GNAI1: variants seen among roughly 807,000 people sequenced by gnomAD.
GNAI1 encodes guanine nucleotide-binding protein G(i) subunit alpha-1.
In GNAI1, 11 loss-of-function variants were observed where a neutral mutation model predicts 38.9. That is an observed-to-expected ratio of 0.28 (90% CI 0.18 to 0.47). The LOEUF (loss-of-function observed/expected upper bound fraction) is 0.47, where lower values mean the gene tolerates loss of function less well. GNAI1 is among the 20% of genes least tolerant of loss of function. The probability of loss-of-function intolerance (pLI) is 0.99; values close to 1 mark genes in which losing one functional copy is unlikely to be tolerated. For missense variants in GNAI1, 317 were observed against 436.9 expected (o/e 0.73, Z 2.45); for synonymous variants, 166 against 145.1 (o/e 1.14, Z -1.04).
rs532191512 is a variant in GNAI1 at position 80,218,058 on chromosome 7, A to C, written c.*565A>C. ...GTACAAACATTGCACAGACTATTTT[A>C]ATAACATGATTTGTTCTTTAAATTT... is the stretch of plus-strand genomic sequence containing the variant. On this transcript the variant is annotated 3_prime_UTR_variant, in exon 8 of 8. Coordinates refer to ENST00000649796, the MANE Select transcript of GNAI1 (RefSeq NM_002069.6). 1 of 152,716 alleles carries C rather than the reference A, an allele frequency of 6.5e-6. No individual in the cohort carries two copies. The highest frequency in any genetic ancestry group is 1.5e-5 in the Non-Finnish European group (1 of 67,988). The allele number at this position is 152,716 out of a possible 1,614,324, so 9.5% of individuals were successfully genotyped here.
chr7:80,220,691 C>T lies in GNAI1; in HGVS notation c.*3198C>T, dbSNP rs1361218318. ...TACTGAAAAAGTACTGATTAAAATC[C>T]ATATGTTCTCATTGAATACTGACAG... On this transcript the variant is annotated 3_prime_UTR_variant, in exon 8 of 8. Transcript: ENST00000649796. 2.0e-5 allele frequency among the ~76,000 whole-genome samples: 3 copies of T among 152,162 alleles called. No homozygotes were observed. The highest frequency in any genetic ancestry group is 4.2e-4 in the South Asian group (2 of 4,816).
At position 80,144,829 on chromosome 7, in the gene GNAI1, C is replaced by T. The variant is rs1787590570; in HGVS notation, c.118+9551C>T. Among the ~76,000 whole-genome samples, 3 of 152,148 alleles carry T rather than the reference C, an allele frequency of 2.0e-5. No individual in the cohort carries two copies. In the South Asian group the frequency reaches 6.2e-4, roughly 32 times the overall value. ...AAGAATTACATTTATTTCGGTATAG[C>T]TTGAAATTGATCCATGTATACTAGC... On this transcript the variant is annotated intron_variant, in intron 1 of 7. Coordinates refer to ENST00000649796, the MANE Select transcript of GNAI1 (RefSeq NM_002069.6).
chr7:80,216,143 C>T (rs1369485224), intron 7 of GNAI1, among the ~76,000 whole-genome samples: 2 of 151,964 alleles, frequency 1.3e-5, no homozygotes, highest in African/African-American at 4.8e-5. Flanking sequence ...ACATTATATA[C>T]ATTAATGTAT....
intron 1 of GNAI1, among the ~76,000 whole-genome samples, chr7:80,170,115 T>A (rs1788075766): frequency 1.3e-5 from 2 of 152,240 alleles, no homozygotes; most frequent in Non-Finnish European, 2.9e-5. Context: ...ATTATGATGC[T>A]GCTATAAACA....
In GNAI1 at chr7:80,221,367, T is replaced by A. The variant is rs1789071592; in HGVS notation, c.*3874T>A. Among the ~76,000 whole-genome samples the A allele has an allele frequency of 6.6e-6, 1 of 152,198 alleles. No homozygotes were observed. Among genetic ancestry groups the A allele is most frequent in the Admixed American group, 6.5e-5 (1 of 15,282 alleles). The stretch of plus-strand genomic sequence containing the variant: ...GAATGTATAAGCCGTCAATACAATT[T>A]GCTGTTATTTGATTATAAATAATAG... On this transcript the variant is annotated 3_prime_UTR_variant, in exon 8 of 8. Transcript: ENST00000649796.
intron 1 of GNAI1, among the ~76,000 whole-genome samples, chr7:80,142,992 T>C (rs1443407178): frequency 6.6e-6 from 1 of 152,248 alleles, no homozygotes; most frequent in Non-Finnish European, 1.5e-5. Flanking sequence ...TGGCATTTAA[T>C]ATATACTCAC....
At chr7:80,173,005 G>A (rs1215087460) in intron 1 of GNAI1, among the ~76,000 whole-genome samples, 2 of 152,126 alleles carry the variant, frequency 1.3e-5, no homozygotes, top group Admixed American at 6.6e-5. Flanking sequence ...CACAGTTAGT[G>A]ACTGTATTTC....
chr7:80,200,191 G>T (rs1227597670), intron 4 of GNAI1, among the ~76,000 whole-genome samples: 1 of 151,402 alleles, frequency 6.6e-6, no homozygotes, highest in Non-Finnish European at 1.5e-5. Context: ...AGTCATGATG[G>T]TGCACACGTG....
At chr7:80,158,319 A>C (rs767131823) in intron 1 of GNAI1, among the ~76,000 whole-genome samples, 3 of 152,164 alleles carry the variant, frequency 2.0e-5, no homozygotes, top group Admixed American at 6.6e-5. Flanking sequence ...TCAGTATTCT[A>C]ATATTTAGCA....
intron 1 of GNAI1, chr7:80,135,712 G>A (rs1350328622): frequency 5.2e-6 from 4 of 770,412 alleles, no homozygotes; most frequent in Non-Finnish European, 1.6e-6. Context: ...TGTAGGTTGT[G>A]TTTCGACTGT....
chr7:80,186,172 A>G (rs890941509), intron 1 of GNAI1, among the ~76,000 whole-genome samples: 3 of 151,796 alleles, frequency 2.0e-5, no homozygotes, highest in African/African-American at 4.8e-5. Context: ...AGCTGGGTCT[A>G]TAGGCACCTA....
At chr7:80,197,703 A>C (rs902949444) in intron 3 of GNAI1, among the ~76,000 whole-genome samples, 3 of 152,068 alleles carry the variant, frequency 2.0e-5, no homozygotes, top group Non-Finnish European at 4.4e-5. Flanking sequence ...TGTCGCTTGC[A>C]TGCATTTCTC....
intron 3 of GNAI1, among the ~76,000 whole-genome samples, chr7:80,193,617 TAGAGG>T (rs1416356146): frequency 6.6e-6 from 1 of 152,106 alleles, no homozygotes; most frequent in Non-Finnish European, 1.5e-5. Context: ...ACTGAGCACT[TAGAGG>T]AGAGCTGTTC....
chr7:80,152,814 G>A (rs952546265), intron 1 of GNAI1, among the ~76,000 whole-genome samples: 1 of 151,682 alleles, frequency 6.6e-6, no homozygotes, highest in South Asian at 2.1e-4. Flanking sequence ...CTCCTGATAT[G>A]CCCGCCTCGG....
intron 7 of GNAI1, 49 bp from the exon 8 acceptor site, chr7:80,217,254 A>G: frequency 8.4e-7 from 1 of 1,185,842 alleles, no homozygotes; most frequent in Non-Finnish European, 1.2e-6. Flanking sequence ...TATTTTAAGC[A>G]GTTATTTTAA....
intron 1 of GNAI1, among the ~76,000 whole-genome samples, chr7:80,140,586 A>T (rs187374699): frequency 6.6e-6 from 1 of 152,190 alleles, no homozygotes; most frequent in Non-Finnish European, 1.5e-5. Context: ...ATGACTCCCC[A>T]GAGTATGACA....
chr7:80,194,957 A>G (rs1187838674), intron 3 of GNAI1, among the ~76,000 whole-genome samples: 1 of 152,044 alleles, frequency 6.6e-6, no homozygotes, highest in African/African-American at 2.4e-5. Context: ...TTTGAGAACT[A>G]AGATGAAAAT....
chr7:80,199,334 C>T lies in GNAI1; in HGVS notation c.413C>T (p.Ala138Val). Residue 138 changes from alanine (A) to valine (V), a missense_variant, in exon 4 of 8, where the codon GCC (alanine) becomes GTC (valine). This residue lies in a region of GNAI1 where 158 missense variants were observed against 234.7 expected (regional missense o/e 0.67). Coordinates refer to ENST00000649796, the MANE Select transcript of GNAI1 (RefSeq NM_002069.6). ...TTGTGGAAAGATAGTGGTGTACAAG[C>T]CTGTTTCAACAGATCCCGAGAGTAC... ...KRLWKDSGVQ[A>V]CFNRSREYQL... The T allele has an allele frequency of 1.2e-6, 2 of 1,612,226 alleles. No homozygotes were observed. The highest frequency in any genetic ancestry group is 1.7e-6 in the Non-Finnish European group (2 of 1,178,766).
At chr7:80,144,954 T>C (rs968865211) in intron 1 of GNAI1, among the ~76,000 whole-genome samples, 7 of 152,198 alleles carry the variant, frequency 4.6e-5, no homozygotes, top group African/African-American at 1.7e-4. Flanking sequence ...TGGTGGTCAG[T>C]AAAGTTGCTG....
Sources: allele counts gnomAD v4.1 joint callset (sites outside exome capture counted in the v4.1 genomes callset), GRCh38; gene constraint gnomAD v4.1.1; regional missense constraint gnomAD v4.1.1; transcripts MANE v1.5; gene names NCBI Gene and HGNC (gene_info 2026-07-23, HGNC 2026-07-21).